The following CEP128 variants were observed in gnomAD, a reference collection of about 807,000 sequenced individuals.
CEP128 encodes centrosomal protein 128kDa.
In CEP128, 132 loss-of-function variants were observed where a neutral mutation model predicts 156.7. The ratio of observed to expected loss-of-function variants is 0.84; its 90% CI spans 0.73 to 0.97. The LOEUF (loss-of-function observed/expected upper bound fraction) is 0.97, where lower values mean the gene tolerates loss of function less well. Among genes scored for constraint, CEP128 ranks in the 50% least tolerant of loss-of-function variants. The pLI is 0.00. For synonymous variants in CEP128, 469 were observed against 448.9 expected, an observed-to-expected ratio of 1.04 and a Z score of -0.57; for missense variants, 1,252 against 1,281.9, an observed-to-expected ratio of 0.98 and a Z score of 0.36.
chr14:80,603,009 G>C (rs889497661), intron 19 of CEP128, among the ~76,000 whole-genome samples: 3 of 152,118 alleles, frequency 2.0e-5, no homozygotes, highest in African/African-American at 7.2e-5. Flanking sequence ...AAAATGTATG[G>C]GATACAGTGT....
chr14:80,699,428 G>A (rs976101445), intron 19 of CEP128, among the ~76,000 whole-genome samples: 3 of 152,144 alleles, frequency 2.0e-5, no homozygotes, highest in Non-Finnish European at 4.4e-5. Context: ...CTTTAAACCA[G>A]GGAGTTTCTT....
Position 80,580,433 on chromosome 14 carries a change from G to C in CEP128, c.2807-10C>G. The C allele has an allele frequency of 2.6e-6, 4 of 1,565,706 alleles. No homozygotes were observed. The highest frequency in any genetic ancestry group is 3.5e-6 in the Non-Finnish European group (4 of 1,139,874). ...GTCTCTTCCAGTAGATCTGTAATAA[G>C]AAAGTAAAATACCCATCAAAATACA... On this transcript the variant is annotated splice_polypyrimidine_tract_variant and intron_variant, in intron 19 of 24. Transcript: ENST00000555265.
At chr14:80,569,132 A>G (rs1891036622) in intron 20 of CEP128, among the ~76,000 whole-genome samples, 1 of 152,252 alleles carries the variant, frequency 6.6e-6, no homozygotes, top group Non-Finnish European at 1.5e-5. Flanking sequence ...AGTAATAGCT[A>G]TAAAAACAGC....
At chr14:80,584,564 G>A (rs185368844) in intron 19 of CEP128, among the ~76,000 whole-genome samples, 14 of 152,182 alleles carry the variant, frequency 9.2e-5, no homozygotes, top group Admixed American at 3.3e-4. Context: ...CTGCTCACTC[G>A]TTAGGTGCAT....
intron 8 of CEP128, among the ~76,000 whole-genome samples, chr14:80,864,360 C>T (rs114852345): frequency 2.8e-4 from 43 of 152,208 alleles, no homozygotes; most frequent in African/African-American, 9.9e-4. Flanking sequence ...TAAAATTTCT[C>T]TGATTAAATT....
At chr14:80,641,776 G>A (rs1232503845) in intron 19 of CEP128, among the ~76,000 whole-genome samples, 1 of 152,034 alleles carries the variant, frequency 6.6e-6, no homozygotes, top group Admixed American at 6.6e-5. Flanking sequence ...TACCAGAACA[G>A]CTTAGTAATA....
At chr14:80,623,606 C>T (rs1893584456) in intron 19 of CEP128, among the ~76,000 whole-genome samples, 1 of 150,608 alleles carries the variant, frequency 6.6e-6, no homozygotes, top group African/African-American at 2.4e-5. Context: ...ATATATTTGC[C>T]AATGTCATAA....
At chr14:80,588,606 T>G (rs903862118) in intron 19 of CEP128, among the ~76,000 whole-genome samples, 1 of 152,080 alleles carries the variant, frequency 6.6e-6, no homozygotes, top group Non-Finnish European at 1.5e-5. Context: ...TCAACAAATC[T>G]TAAACTACTA....
At chr14:80,866,339 C>G (rs1887767459) in intron 8 of CEP128, among the ~76,000 whole-genome samples, 3 of 152,188 alleles carry the variant, frequency 2.0e-5, no homozygotes, top group Admixed American at 2.0e-4. Flanking sequence ...CCTGCAGACC[C>G]AATCAACTTG....
intron 21 of CEP128, among the ~76,000 whole-genome samples, chr14:80,541,262 A>G (rs145105215): frequency 6.6e-6 from 1 of 152,078 alleles, no homozygotes; most frequent in African/African-American, 2.4e-5. Flanking sequence ...GCAGGTTAGG[A>G]TCTCCTTTTT....
intron 19 of CEP128, among the ~76,000 whole-genome samples, chr14:80,640,965 T>A (rs1006974030): frequency 6.6e-6 from 1 of 152,238 alleles, no homozygotes; most frequent in Non-Finnish European, 1.5e-5. Context: ...ACAGCTTTAA[T>A]TAATGCATTT....
At chr14:80,929,042 C>T (rs974752829) in intron 2 of CEP128, among the ~76,000 whole-genome samples, 3 of 151,668 alleles carry the variant, frequency 2.0e-5, no homozygotes, top group African/African-American at 7.3e-5. Flanking sequence ...AAAAGTAATC[C>T]TATTAAAAAG....
chr14:80,848,493 C>T (rs1435294580), intron 9 of CEP128, among the ~76,000 whole-genome samples: 2 of 152,036 alleles, frequency 1.3e-5, no homozygotes, highest in East Asian at 1.9e-4. Context: ...AACTCCATCT[C>T]TACTTAAATT....
At chr14:80,507,282 G>A (rs1594925006) in intron 23 of CEP128, among the ~76,000 whole-genome samples, 1 of 151,940 alleles carries the variant, frequency 6.6e-6, no homozygotes, top group African/African-American at 2.4e-5. Flanking sequence ...TTTAACCAAG[G>A]GATTTTCAAT....
chr14:80,704,381 A>G (rs767065328), intron 19 of CEP128, among the ~76,000 whole-genome samples: 2 of 152,038 alleles, frequency 1.3e-5, no homozygotes, highest in Non-Finnish European at 2.9e-5. Context: ...GGATTTAGTT[A>G]TTTTTTTAAA....
chr14:80,804,342 A>C (rs1255367748), intron 13 of CEP128, among the ~76,000 whole-genome samples: 1 of 152,120 alleles, frequency 6.6e-6, no homozygotes, highest in Non-Finnish European at 1.5e-5. Flanking sequence ...ATGTATCAAA[A>C]TCATATACTG....
chr14:80,545,799 G>A (rs1024143148), intron 21 of CEP128, among the ~76,000 whole-genome samples: 1 of 152,076 alleles, frequency 6.6e-6, no homozygotes, highest in Non-Finnish European at 1.5e-5. Flanking sequence ...AGGTTTTAGG[G>A]GACACACTAA....
intron 16 of CEP128, among the ~76,000 whole-genome samples, 192 bp from the exon 17 acceptor site, chr14:80,761,805 G>A (rs78462419): frequency 6.6e-6 from 1 of 151,964 alleles, no homozygotes; most frequent in Non-Finnish European, 1.5e-5. Flanking sequence ...TTCCATCGTA[G>A]GGCAGTTTGG....
At chr14:80,629,332 CAG>C (rs1566821694) in intron 19 of CEP128, among the ~76,000 whole-genome samples, 3 of 152,108 alleles carry the variant, frequency 2.0e-5, no homozygotes, top group African/African-American at 7.2e-5. Flanking sequence ...TGAAGATTAA[CAG>C]TGTGTTAAAC....
Sources: allele counts gnomAD v4.1 joint callset (sites outside exome capture counted in the v4.1 genomes callset), GRCh38; gene constraint gnomAD v4.1.1; transcripts MANE v1.5; gene names NCBI Gene and HGNC (gene_info 2026-07-23, HGNC 2026-07-21).